DIS3L2: variants seen among roughly 807,000 people sequenced by gnomAD.
The protein encoded by DIS3L2 is DIS3-like exonuclease 2.
DIS3L2 carries 34 observed loss-of-function variants against 97.5 expected under a neutral mutation model. The observed-to-expected ratio is 0.35, with a 90% CI of 0.27 to 0.46. The LOEUF (loss-of-function observed/expected upper bound fraction) is 0.46. Among genes scored for constraint, DIS3L2 ranks in the 20% least tolerant of loss-of-function variants. The probability of loss-of-function intolerance (pLI) is 1.00; values close to 1 mark genes in which losing one functional copy is unlikely to be tolerated. For synonymous variants in DIS3L2, 435 were observed against 445.2 expected, an observed-to-expected ratio of 0.98 and a Z score of 0.29; for missense variants, 1,038 against 1,146.0, an observed-to-expected ratio of 0.91 and a Z score of 1.36.
At chr2:232,308,141 C>T (rs1695033717) in intron 14 of DIS3L2, among the ~76,000 whole-genome samples, 1 of 152,218 alleles carries the variant, frequency 6.6e-6, no homozygotes, top group Non-Finnish European at 1.5e-5. Flanking sequence ...AGGTCACCAT[C>T]CATTCAGTGG....
At chr2:232,040,101 C>G (rs1320066037) in intron 5 of DIS3L2, among the ~76,000 whole-genome samples, 3 of 152,118 alleles carry the variant, frequency 2.0e-5, no homozygotes, top group Non-Finnish European at 4.4e-5. Flanking sequence ...GAAACAAACT[C>G]TATTTGAAAG....
Position 232,276,355 on chromosome 2 carries a change from C to G in DIS3L2, c.1659+12915C>G, listed in dbSNP as rs1329710708. ...ATTCTCCTGCCTGCCACCTGCCAGC[C>G]AAGCTCTCAGGCTTACCCACCTCCC... On this transcript the variant is annotated intron_variant, in intron 13 of 20. Coordinates refer to ENST00000325385, the MANE Select transcript of DIS3L2 (RefSeq NM_152383.5). The surrounding 1 kb of genome is among the most constrained non-coding windows in gnomAD (Gnocchi z 4.4). Among the ~76,000 whole-genome samples, 2 of 152,342 alleles carry G rather than the reference C, an allele frequency of 1.3e-5. No individual in the cohort carries two copies. The highest frequency in any genetic ancestry group is 1.5e-5 in the Non-Finnish European group (1 of 68,034).
chr2:232,329,789 T>TGGGGGGCC, intron 14 of DIS3L2, 24 bp from the exon 15 acceptor site: 1 of 368,622 alleles, frequency 2.7e-6, no homozygotes, highest in Non-Finnish European at 5.1e-6. Context: ...CAGCGGTCCC[T>TGGGGGGCC]CCCATCCCAC....
intron 1 of DIS3L2, among the ~76,000 whole-genome samples, chr2:231,999,487 G>C (rs1693821227): frequency 6.6e-6 from 1 of 152,154 alleles, no homozygotes; most frequent in Admixed American, 6.5e-5. Context: ...GAGTTATACT[G>C]ATATCTCCAG....
Position 232,268,802 on chromosome 2 carries a change from T to C in DIS3L2, c.1659+5362T>C, listed in dbSNP as rs1365070422. ...TGCTATCCAGTGAGCTTTTAGCAGC[T>C]CATCATCACTTCACAGGGAAGCCAG... On this transcript the variant is annotated intron_variant, in intron 13 of 20. Coordinates refer to ENST00000325385, the MANE Select transcript of DIS3L2 (RefSeq NM_152383.5). The surrounding 1 kb of genome is among the most constrained non-coding windows in gnomAD (Gnocchi z 4.1). Among the ~76,000 whole-genome samples the C allele has an allele frequency of 6.6e-6, 1 of 152,200 alleles. No individual in the cohort carries two copies. The highest frequency in any genetic ancestry group is 1.5e-5 in the Non-Finnish European group (1 of 68,040).
intron 14 of DIS3L2, among the ~76,000 whole-genome samples, chr2:232,320,066 G>A (rs1469383488): frequency 1.3e-5 from 2 of 151,498 alleles, no homozygotes; most frequent in South Asian, 2.1e-4. Flanking sequence ...GGTTTTCCCC[G>A]CCCTCCACCC....
chr2:232,086,615 A>ATATATATGTG, intron 5 of DIS3L2, among the ~76,000 whole-genome samples: 1 of 54,546 alleles, frequency 1.8e-5, no homozygotes, highest in South Asian at 4.1e-4. Context: ...GTGTGTGTGT[A>ATATATATGTG]TATATATATA....
chr2:232,165,874 G>A (rs1343286198), intron 9 of DIS3L2, among the ~76,000 whole-genome samples: 1 of 152,010 alleles, frequency 6.6e-6, no homozygotes, highest in African/African-American at 2.4e-5. Flanking sequence ...AATTATAAAT[G>A]TGAAAGTCAC....
At chr2:232,239,782 C>G (rs1256301246) in intron 11 of DIS3L2, among the ~76,000 whole-genome samples, 2 of 152,248 alleles carry the variant, frequency 1.3e-5, no homozygotes, top group Non-Finnish European at 2.9e-5. Context: ...ACTTCTGGAG[C>G]AAAAGCTATC....
At chr2:232,028,087 A>G (rs1353819330) in intron 4 of DIS3L2, among the ~76,000 whole-genome samples, 1 of 152,194 alleles carries the variant, frequency 6.6e-6, no homozygotes, top group Admixed American at 6.6e-5. Flanking sequence ...GAACTGTTCC[A>G]TCAATGAAGG....
At chr2:232,163,077 A>C (rs1690700271) in intron 8 of DIS3L2, among the ~76,000 whole-genome samples, 1 of 152,234 alleles carries the variant, frequency 6.6e-6, no homozygotes, top group Non-Finnish European at 1.5e-5. Context: ...CATCAGAATT[A>C]ATCTAGTAAG....
rs545729774 is a variant in DIS3L2, at chr2:232,343,331, G to A, written c.1582-14G>A. 3.2e-5 allele frequency: 50 copies of A among 1,552,714 alleles called. No individual in the cohort carries two copies. In the South Asian group the frequency reaches 4.2e-4, roughly 13 times the overall value. ...CCGCGCCTCCTCATCCAGGAGACACGGAAAAGGGCCCAGCAGAACGCAGAC... is the reference window on the plus strand; with the variant it reads ...CCGCGCCTCCTCATCCAGGAGACACAGAAAAGGGCCCAGCAGAACGCAGAC... On this transcript the variant is annotated splice_polypyrimidine_tract_variant and intron_variant, in intron 13 of 13. Transcript: ENST00000273009.
At chr2:232,310,929 C>G (rs1695110569) in intron 14 of DIS3L2, among the ~76,000 whole-genome samples, 1 of 152,240 alleles carries the variant, frequency 6.6e-6, no homozygotes, top group African/African-American at 2.4e-5. Flanking sequence ...TGCAAAGGGC[C>G]AGGACAAGGA....
rs1341046484 is a variant in DIS3L2 at position 232,268,172 on chromosome 2, A to C, written c.1659+4732A>C. Among the ~76,000 whole-genome samples the C allele has an allele frequency of 6.6e-6, 1 of 152,196 alleles. No homozygotes were observed. The highest frequency in any genetic ancestry group is 6.5e-5 in the Admixed American group (1 of 15,280). On this transcript the variant is annotated intron_variant, in intron 13 of 20. Transcript: ENST00000325385. The surrounding 1 kb of genome is among the most constrained non-coding windows in gnomAD (Gnocchi z 4.1). Reference sequence around the variant, plus strand: ...TCACTGACTTTGGGAATTCAGAGGAAGTTGAAGTAGTGGTGGAGAAAACCT... The same window carrying C: ...TCACTGACTTTGGGAATTCAGAGGACGTTGAAGTAGTGGTGGAGAAAACCT...
chr2:232,198,822 C>G (rs1350199113), intron 9 of DIS3L2: 1 of 152,238 alleles, frequency 6.6e-6, no homozygotes, highest in Non-Finnish European at 1.5e-5. Flanking sequence ...AGTTCTTCTT[C>G]CCCAGATAGC....
Position 232,287,048 on chromosome 2 carries a change from C to T in DIS3L2, c.1660-12992C>T, listed in dbSNP as rs576692085. Among the ~76,000 whole-genome samples the T allele has an allele frequency of 8.6e-4, 131 of 152,300 alleles. 1 individual carries two copies. Among genetic ancestry groups the T allele is most frequent in the African/African-American group, 3.0e-3 (123 of 41,582 alleles). On this transcript the variant is annotated intron_variant, in intron 13 of 20. Transcript: ENST00000325385. ...AAAGGTGGAAGCAAGAGCATAAACT[C>T]TGTCTGACAGGCAGAAAGGTAGACT...
At chr2:232,227,236 G>A (rs764811848) in intron 10 of DIS3L2, among the ~76,000 whole-genome samples, 3 of 152,148 alleles carry the variant, frequency 2.0e-5, no homozygotes, top group African/African-American at 7.2e-5. Flanking sequence ...AAATTAAATT[G>A]AGAGCGCTTG....
intron 6 of DIS3L2, among the ~76,000 whole-genome samples, chr2:232,128,459 T>A (rs1698131154): frequency 7.7e-6 from 1 of 129,244 alleles, no homozygotes; most frequent in Admixed American, 7.7e-5. Flanking sequence ...TAATTTTTTT[T>A]TTTTTTTTTT....
intron 9 of DIS3L2, among the ~76,000 whole-genome samples, chr2:232,200,556 G>A (rs1037136049): frequency 1.3e-5 from 2 of 151,984 alleles, no homozygotes; most frequent in Non-Finnish European, 2.9e-5. Context: ...AGTAGTGGTA[G>A]TCGTGGTAAT....
Sources: allele counts gnomAD v4.1 joint callset (sites outside exome capture counted in the v4.1 genomes callset), GRCh38; gene constraint gnomAD v4.1.1; non-coding constraint Gnocchi (gnomAD v3.1); transcripts MANE v1.5; gene names NCBI Gene and HGNC (gene_info 2026-07-23, HGNC 2026-07-21).